The following RNGTT variants were observed in gnomAD, a reference collection of about 807,000 sequenced individuals.
RNGTT encodes the protein RNA guanylyltransferase and 5'-phosphatase, also known as mRNA-capping enzyme.
Under a neutral mutation model 79.3 loss-of-function variants are expected in RNGTT, and 33 were observed. That is an observed-to-expected ratio of 0.42 (90% confidence interval 0.32 to 0.56). The LOEUF (loss-of-function observed/expected upper bound fraction) is 0.56, where lower values mean the gene tolerates loss of function less well. Among genes scored for constraint, RNGTT ranks in the 20% least tolerant of loss-of-function variants. The probability of loss-of-function intolerance (pLI) is 0.17; values close to 1 mark genes in which losing one functional copy is unlikely to be tolerated. For synonymous variants in RNGTT, 222 were observed against 235.9 expected, an observed-to-expected ratio of 0.94 and a Z score of 0.54; for missense variants, 497 against 739.1, an observed-to-expected ratio of 0.67 and a Z score of 3.80.
At chr6:88,760,242 A>G (rs1365839234) in intron 13 of RNGTT, among the ~76,000 whole-genome samples, 2 of 152,136 alleles carry the variant, frequency 1.3e-5, no homozygotes, top group Non-Finnish European at 2.9e-5. Context: ...GTTTTTGGTA[A>G]GCGGCCTGGG....
intron 1 of RNGTT, 60 bp downstream of exon 1, chr6:88,963,286 T>C: frequency 6.4e-7 from 1 of 1,569,490 alleles, no homozygotes; most frequent in Non-Finnish European, 8.8e-7. Context: ...AGCTCCTCAG[T>C]CGGCCCACCC....
intron 13 of RNGTT, among the ~76,000 whole-genome samples, chr6:88,767,882 G>A (rs1778517715): frequency 1.3e-5 from 2 of 152,002 alleles, no homozygotes; most frequent in South Asian, 4.2e-4. Context: ...CACTTTGTCA[G>A]GAAGACTAAT....
At chr6:88,773,645 CATAA>C (rs1357148991) in intron 12 of RNGTT, among the ~76,000 whole-genome samples, 1 of 151,894 alleles carries the variant, frequency 6.6e-6, no homozygotes, top group Non-Finnish European at 1.5e-5. Flanking sequence ...ATTAAGAGTA[CATAA>C]ATAAAGTCAT....
chr6:88,890,896 T>A (rs1783028459), intron 7 of RNGTT, among the ~76,000 whole-genome samples: 1 of 152,196 alleles, frequency 6.6e-6, no homozygotes, highest in African/African-American at 2.4e-5. Context: ...TTTACAAGTC[T>A]TGTACTTCAG....
intron 8 of RNGTT, among the ~76,000 whole-genome samples, chr6:88,888,217 C>G (rs1484395505): frequency 6.6e-6 from 1 of 152,002 alleles, no homozygotes; most frequent in East Asian, 1.9e-4. Context: ...ATCCCAAATC[C>G]CCAGTTCATT....
intron 12 of RNGTT, among the ~76,000 whole-genome samples, chr6:88,785,543 A>G (rs1289040066): frequency 6.6e-6 from 1 of 152,134 alleles, no homozygotes; most frequent in Non-Finnish European, 1.5e-5. Context: ...TGCTATTACA[A>G]TTCCTTGGAA....
At chr6:88,908,162 C>A (rs1369195189) in intron 4 of RNGTT, among the ~76,000 whole-genome samples, 1 of 152,018 alleles carries the variant, frequency 6.6e-6, no homozygotes, top group Non-Finnish European at 1.5e-5. Context: ...GAAGAAAATA[C>A]AGGAGTAAAT....
At chr6:88,687,484 T>A (rs955321008) in intron 13 of RNGTT, among the ~76,000 whole-genome samples, 1 of 152,218 alleles carries the variant, frequency 6.6e-6, no homozygotes, top group Non-Finnish European at 1.5e-5. Flanking sequence ...GGCTATTTAT[T>A]GCAGCACTGT....
At chr6:88,756,184 G>A (rs1171178915) in intron 13 of RNGTT, among the ~76,000 whole-genome samples, 2 of 151,688 alleles carry the variant, frequency 1.3e-5, no homozygotes, top group African/African-American at 4.8e-5. Context: ...AGTTAAAGAG[G>A]TAAAATTAGG....
intron 1 of RNGTT, among the ~76,000 whole-genome samples, chr6:88,952,834 C>G (rs961749537): frequency 2.0e-5 from 3 of 152,160 alleles, no homozygotes; most frequent in African/African-American, 7.2e-5. Flanking sequence ...CCTGGTAACT[C>G]CACAGTGTGA....
At chr6:88,956,040 CAAA>C (rs750272502) in intron 1 of RNGTT, among the ~76,000 whole-genome samples, 1 of 23,654 alleles carries the variant, frequency 4.2e-5, no homozygotes, top group Admixed American at 4.6e-4. Flanking sequence ...GACTCTGTCT[CAAA>C]AAAAAAAAAA....
chr6:88,625,209 C>T (rs943106589), intron 14 of RNGTT, among the ~76,000 whole-genome samples: 3 of 151,778 alleles, frequency 2.0e-5, no homozygotes, highest in South Asian at 2.1e-4. Flanking sequence ...CCATAAGAGC[C>T]GGCAATTTTA....
At chr6:88,878,844 G>T (rs968280545) in intron 8 of RNGTT, among the ~76,000 whole-genome samples, 4 of 152,150 alleles carry the variant, frequency 2.6e-5, no homozygotes, top group Non-Finnish European at 5.9e-5. Flanking sequence ...GACTCATTCT[G>T]TTCCTAAATA....
chr6:88,691,764 G>GCACA (rs1775491309), intron 13 of RNGTT, among the ~76,000 whole-genome samples: 1 of 152,066 alleles, frequency 6.6e-6, no homozygotes. Context: ...ATAAAAGGTT[G>GCACA]TAATACATAA....
At chr6:88,641,037 A>T (rs570808790) in intron 14 of RNGTT, among the ~76,000 whole-genome samples, 2 of 152,220 alleles carry the variant, frequency 1.3e-5, no homozygotes, top group South Asian at 4.2e-4. Context: ...GTTCATATTA[A>T]TACTGCTGTG....
At chr6:88,816,852 C>T (rs1311406664) in intron 11 of RNGTT, among the ~76,000 whole-genome samples, 1 of 151,958 alleles carries the variant, frequency 6.6e-6, no homozygotes, top group Non-Finnish European at 1.5e-5. Flanking sequence ...GTCATTGTTT[C>T]CTGGAAGTAA....
At chr6:88,772,523 G>C (rs953790473) in intron 12 of RNGTT, among the ~76,000 whole-genome samples, 11 of 152,024 alleles carry the variant, frequency 7.2e-5, no homozygotes, top group East Asian at 3.9e-4. Context: ...ACTACCATCA[G>C]AGTGAACAGG....
chr6:88,639,890 G>C (rs963258484), intron 14 of RNGTT, among the ~76,000 whole-genome samples: 2 of 152,082 alleles, frequency 1.3e-5, no homozygotes, highest in African/African-American at 2.4e-5. Flanking sequence ...AAGGCATAGA[G>C]AGAAAAAAAT....
At chr6:88,641,866 C>G (rs1404523860) in intron 14 of RNGTT, among the ~76,000 whole-genome samples, 1 of 152,164 alleles carries the variant, frequency 6.6e-6, no homozygotes, top group Non-Finnish European at 1.5e-5. Context: ...AGCCAGTATA[C>G]AGTAGCATCA....
Sources: gnomAD v4.1 joint callset for allele counts (sites outside exome capture counted in the v4.1 genomes callset) on GRCh38, gnomAD v4.1.1 for gene constraint, MANE v1.5 for transcripts, NCBI Gene and HGNC (gene_info 2026-07-23, HGNC 2026-07-21) for gene names.